Variants in EEF2K observed in about 807,000 individuals in gnomAD.
EEF2K encodes eukaryotic elongation factor 2 kinase.
EEF2K carries 70 observed loss-of-function variants against 93.8 expected under a neutral mutation model. The ratio of observed to expected loss-of-function variants is 0.75; its 90% CI spans 0.62 to 0.91. The LOEUF is 0.91. EEF2K is among the 40% of genes least tolerant of loss of function. The pLI is 0.00. For missense variants in EEF2K, 935 were observed against 972.9 expected (o/e 0.96, Z 0.52); for synonymous variants, 376 against 380.8 (o/e 0.99, Z 0.15).
intron 1 of EEF2K, among the ~76,000 whole-genome samples, chr16:22,207,853 T>A (rs1377195073): frequency 6.6e-6 from 1 of 151,910 alleles, no homozygotes; most frequent in East Asian, 1.9e-4. Flanking sequence ...ACTGTGTGTG[T>A]AAAGGGGAGA....
chr16:22,263,169 C>A lies in EEF2K; in HGVS notation c.1359C>A (p.Asp453Glu). 3 of 1,612,180 alleles carry A rather than the reference C, an allele frequency of 1.9e-6. No homozygotes were observed. In the South Asian group the frequency reaches 3.3e-5, roughly 18 times the overall value. Residue 453 changes from aspartate (D) to glutamate (E), a missense_variant, in exon 12 of 18, where the codon GAC (aspartate) becomes GAA (glutamate). Transcript: ENST00000263026. ...YPSEKRGELD[D>E]PEPREHGHSY... is the part of the protein sequence containing the mutation. ...GTGAGAAGCGGGGTGAGCTGGATGA[C>A]CCTGAGCCCCGAGAACATGTAAGGA... is the stretch of plus-strand genomic sequence containing the variant.
chr16:22,226,325 CTTTTTTTTTTT>C (rs935058417), intron 2 of EEF2K, among the ~76,000 whole-genome samples: 7 of 63,668 alleles, frequency 1.1e-4, no homozygotes, highest in South Asian at 1.1e-3. Flanking sequence ...AGGTGCTGTT[CTTTTTTTTTTT>C]TTTTTTTTTT....
At chr16:22,277,937 G>A (rs1314271351) in intron 16 of EEF2K, among the ~76,000 whole-genome samples, 2 of 152,168 alleles carry the variant, frequency 1.3e-5, no homozygotes, top group African/African-American at 4.8e-5. Flanking sequence ...AAGCACGGTG[G>A]CTTATGCCTG....
At chr16:22,237,104 C>T (rs182371066) in intron 2 of EEF2K, among the ~76,000 whole-genome samples, 37 of 151,494 alleles carry the variant, frequency 2.4e-4, no homozygotes, top group African/African-American at 8.7e-4. Context: ...GTCACCACGC[C>T]CAGCTAATTT....
In EEF2K at chr16:22,266,686, AG is replaced by A; in HGVS notation, c.1576del. 6.2e-7 allele frequency: 1 copy of A among 1,606,104 alleles called. No homozygotes were observed. Among genetic ancestry groups the A allele is most frequent in the Admixed American group, 1.7e-5 (1 of 59,608 alleles). On this transcript the variant is annotated splice_acceptor_variant, in intron 14 of 17. Transcript: ENST00000263026. LOFTEE classifies it high-confidence loss of function. Reference sequence around the variant, plus strand: ...AGGCCGACACCGTAGTCTGTGTGGCAGGTCCATCTGGCCATGGTGCGCTACC... The same window carrying A: ...AGGCCGACACCGTAGTCTGTGTGGCAGTCCATCTGGCCATGGTGCGCTACC...
intron 9 of EEF2K, among the ~76,000 whole-genome samples, chr16:22,258,116 C>T (rs752361329): frequency 6.6e-6 from 1 of 152,144 alleles, no homozygotes; most frequent in African/African-American, 2.4e-5. Flanking sequence ...AGACCTGGCT[C>T]TCCAGGCACC....
At chr16:22,240,017 C>T (rs1432285773) in intron 2 of EEF2K, among the ~76,000 whole-genome samples, 1 of 150,938 alleles carries the variant, frequency 6.6e-6, no homozygotes, top group Non-Finnish European at 1.5e-5. Context: ...GCAGGAGAAT[C>T]GCTTGAACCC....
intron 17 of EEF2K, among the ~76,000 whole-genome samples, 197 bp downstream of exon 17, chr16:22,280,573 C>A (rs2047683273): frequency 1.3e-5 from 2 of 151,750 alleles, no homozygotes; most frequent in South Asian, 4.2e-4. Context: ...GGGGTTTTTG[C>A]AATTTTAAAA....
chr16:22,269,654 G>A (rs1048307757), intron 15 of EEF2K, among the ~76,000 whole-genome samples: 3 of 151,938 alleles, frequency 2.0e-5, no homozygotes, highest in Non-Finnish European at 2.9e-5. Flanking sequence ...CACCCACCTC[G>A]GCCTCTCAAA....
intron 6 of EEF2K, among the ~76,000 whole-genome samples, chr16:22,252,893 T>A (rs1475191780): frequency 6.6e-6 from 1 of 152,130 alleles, no homozygotes; most frequent in Non-Finnish European, 1.5e-5. Context: ...ACTTATTCAC[T>A]ATCATGAGAA....
At chr16:22,229,848 T>G (rs2141655174) in intron 2 of EEF2K, among the ~76,000 whole-genome samples, 1 of 152,352 alleles carries the variant, frequency 6.6e-6, no homozygotes, top group Admixed American at 6.5e-5. Flanking sequence ...AAATGCCTAT[T>G]ACCACTTGGG....
intron 17 of EEF2K, 97 bp downstream of exon 17, chr16:22,280,473 G>T: frequency 8.0e-7 from 1 of 1,257,000 alleles, no homozygotes. Context: ...CAAGATGACA[G>T]GCTGAATCTT....
chr16:22,266,983 T>A, intron 15 of EEF2K, 107 bp downstream of exon 15: 1 of 1,364,726 alleles, frequency 7.3e-7, no homozygotes, highest in Non-Finnish European at 9.9e-7. Context: ...CCTTCTATCC[T>A]GAGGTTTATG....
rs373473687 is a variant in EEF2K at position 22,257,605 on chromosome 16, G to A, written c.902-38G>A. ...ACCACTGCCTGTCCCCCGTCACAGA[G>A]CAAAGCAACACTCCAGACACCCCCG... On this transcript the variant is annotated intron_variant, in intron 8 of 17. Transcript: ENST00000263026. The A allele has an allele frequency of 6.2e-6, 10 of 1,605,514 alleles. No homozygotes were observed. In the African/African-American group the frequency reaches 1.1e-4, roughly 17 times the overall value.
intron 1 of EEF2K, among the ~76,000 whole-genome samples, chr16:22,223,173 A>G (rs565281294): frequency 6.6e-6 from 1 of 150,858 alleles, no homozygotes; most frequent in African/African-American, 2.4e-5. Flanking sequence ...AGTTTCATCC[A>G]TATTGTAGTG....
chr16:22,276,192 T>C (rs372489896), intron 16 of EEF2K, among the ~76,000 whole-genome samples: 1 of 152,026 alleles, frequency 6.6e-6, no homozygotes, highest in African/African-American at 2.4e-5. Context: ...GCAATCCTCC[T>C]ACCTCAGCCT....
chr16:22,211,278 C>A (rs1164890107), intron 1 of EEF2K, among the ~76,000 whole-genome samples: 1 of 152,164 alleles, frequency 6.6e-6, no homozygotes, highest in Admixed American at 6.5e-5. Flanking sequence ...CTGACTGTGG[C>A]AGGGCCAGGA....
rs1189528503 is a variant in EEF2K, at chr16:22,286,986, T to C, written c.*2990T>C. ...GGGAGAGATGGCCTGGATACAGAGC[T>C]AAGCAAATGCTTCTTTAAGGGCCCT... On this transcript the variant is annotated 3_prime_UTR_variant, in exon 18 of 18. Coordinates refer to ENST00000263026, the MANE Select transcript of EEF2K (RefSeq NM_013302.5). The C allele has an allele frequency of 1.3e-5, 2 of 152,278 alleles. No individual in the cohort carries two copies. The highest frequency in any genetic ancestry group is 4.8e-5 in the African/African-American group (2 of 41,464). The allele number at this position is 152,278 out of a possible 1,614,324, so 9.4% of individuals were successfully genotyped here. A position where few individuals can be genotyped will look rare whatever the true frequency, so the allele number is the denominator to read the frequency against.
intron 15 of EEF2K, among the ~76,000 whole-genome samples, chr16:22,271,601 G>A (rs2047583190): frequency 6.6e-6 from 1 of 151,686 alleles, no homozygotes; most frequent in African/African-American, 2.4e-5. Flanking sequence ...TTGGGAGAGT[G>A]AGGCGGGAGG....
Sources: allele counts gnomAD v4.1 joint callset (sites outside exome capture counted in the v4.1 genomes callset), GRCh38; gene constraint gnomAD v4.1.1; transcripts MANE v1.5; gene names NCBI Gene and HGNC (gene_info 2026-07-23, HGNC 2026-07-21).